STARD9: variants seen among roughly 807,000 people sequenced by gnomAD.
STARD9 encodes the protein stAR-related lipid transfer protein 9.
Under a neutral mutation model 399.8 loss-of-function variants are expected in STARD9, and 346 were observed. The observed-to-expected ratio is 0.87, with a 90% CI of 0.79 to 0.95. The LOEUF is 0.95. STARD9 is among the 40% of genes least tolerant of loss of function. The pLI is 0.00. For synonymous variants in STARD9, 2,203 were observed against 2,143.5 expected (o/e 1.03, Z -0.77); for missense variants, 5,832 against 5,667.5 (o/e 1.03, Z -0.93).
At position 42,689,037 on chromosome 15, in the gene STARD9, GA is replaced by G; in HGVS notation, c.7463del (p.Lys2488ArgfsTer30). The G allele has an allele frequency of 6.5e-7, 1 of 1,537,312 alleles. No homozygotes were observed. Among genetic ancestry groups the G allele is most frequent in the African/African-American group, 1.4e-5 (1 of 73,172 alleles). ...ACTGAACAAGGTCTCTAGCCAGCCT[GA>G]AAAGAGGGTCAGCTTCTCCTTGGAA... is the stretch of plus-strand genomic sequence containing the variant. Reference protein sequence around the residue: ...SSLNKVSSQPEKRVSFSLEED... With the variant: ...SSLNKVSSQPXKRVSFSLEED... On this transcript the variant is annotated frameshift_variant, in exon 23 of 33. Coordinates refer to ENST00000290607, the MANE Select transcript of STARD9 (RefSeq NM_020759.3). LOFTEE classifies it high-confidence loss of function.
intron 26 of STARD9, among the ~76,000 whole-genome samples, chr15:42,712,087 A>ATAT (rs1555410986): frequency 1.1e-3 from 1 of 870 alleles, no homozygotes; most frequent in South Asian, 0.056. Context: ...TATATTATAT[A>ATAT]TATATATATA....
intron 1 of STARD9, among the ~76,000 whole-genome samples, chr15:42,577,659 G>T (rs2058085803): frequency 6.6e-6 from 1 of 152,234 alleles, no homozygotes; most frequent in African/African-American, 2.4e-5. Flanking sequence ...TGAACAGATT[G>T]TAGCAGGCTG....
Position 42,699,392 on chromosome 15 carries a change from C to CTTTTTTTTTTTT in STARD9, c.13284+3521_13284+3532dup, listed in dbSNP as rs34614271. ...TCTATGAGATCAACTTTTTTCTTTTCTTTTTTTTTTTTTTTTTTTTGAGAT... is the reference window on the plus strand; with the variant it reads ...TCTATGAGATCAACTTTTTTCTTTTCTTTTTTTTTTTTTTTTTTTTTTTTTTTTTTTTGAGAT... On this transcript the variant is annotated intron_variant, in intron 26 of 32. Coordinates refer to ENST00000290607, the MANE Select transcript of STARD9 (RefSeq NM_020759.3). Among the ~76,000 whole-genome samples the CTTTTTTTTTTTT allele has an allele frequency of 2.6e-3, 292 of 113,254 alleles. 5 individuals carry two copies. Among genetic ancestry groups the CTTTTTTTTTTTT allele is most frequent in the East Asian group, 0.011 (45 of 3,920 alleles). The allele number at this position is 113,254 out of a possible 152,430, so 74.3% of individuals were successfully genotyped here. A position where few individuals can be genotyped will look rare whatever the true frequency, so the allele number is the denominator to read the frequency against.
Position 42,585,489 on chromosome 15 carries a change from G to A in STARD9, c.118-32G>A, listed in dbSNP as rs1333016841. ...CTGGCCAGATTCTAATATTATGATA[G>A]AAAAGACACTGGATCCTATGTTTGA... is the stretch of plus-strand genomic sequence containing the variant. On this transcript the variant is annotated intron_variant, in intron 2 of 32. Coordinates refer to ENST00000290607, the MANE Select transcript of STARD9 (RefSeq NM_020759.3). 3 of 1,449,838 alleles carry A rather than the reference G, an allele frequency of 2.1e-6. No individual in the cohort carries two copies. The South Asian group carries it at 3.7e-5, about 18-fold the overall frequency. The allele number at this position is 1,449,838 out of a possible 1,614,324, so 89.8% of individuals were successfully genotyped here.
intron 16 of STARD9, chr15:42,672,264 G>T (rs540530574): frequency 6.6e-6 from 1 of 152,240 alleles, no homozygotes; most frequent in East Asian, 1.9e-4. Context: ...TGGGTGGGAA[G>T]AGGACAGAGG....
At chr15:42,651,184 C>G (rs950117676) in intron 8 of STARD9, 99 bp downstream of exon 8, 1 of 837,282 alleles carries the variant, frequency 1.2e-6, no homozygotes. Flanking sequence ...TTAAAATTGT[C>G]TCTGTGTGTA....
At chr15:42,719,367 G>T in intron 32 of STARD9, 106 bp from the exon 33 acceptor site, 1 of 705,402 alleles carries the variant, frequency 1.4e-6, no homozygotes, top group Non-Finnish European at 2.4e-6. Flanking sequence ...ACAATCTGAG[G>T]TGCTTCTCCC....
At chr15:42,614,948 G>C (rs1212949201) in intron 3 of STARD9, among the ~76,000 whole-genome samples, 2 of 151,520 alleles carry the variant, frequency 1.3e-5, no homozygotes, top group Non-Finnish European at 2.9e-5. Context: ...CTAGGTGACA[G>C]AGCGAGACTC....
At chr15:42,694,502 C>T (rs894855759) in intron 23 of STARD9, 26 bp from the exon 24 acceptor site, 2 of 1,535,936 alleles carry the variant, frequency 1.3e-6, no homozygotes, top group South Asian at 2.4e-5. Context: ...TCAGGGCCAG[C>T]TTCAGCGAAT....
At chr15:42,716,499 A>G (rs1413079288) in intron 26 of STARD9, among the ~76,000 whole-genome samples, 178 bp from the exon 27 acceptor site, 1 of 152,120 alleles carries the variant, frequency 6.6e-6, no homozygotes, top group Non-Finnish European at 1.5e-5. Flanking sequence ...GATCGTCTAG[A>G]TACCTATTTC....
chr15:42,636,351 G>A (rs2059417564), intron 4 of STARD9, among the ~76,000 whole-genome samples: 1 of 152,182 alleles, frequency 6.6e-6, no homozygotes, highest in Non-Finnish European at 1.5e-5. Flanking sequence ...GGGAGGCTGA[G>A]GCGGGCAGAT....
rs1319648442 is a variant in STARD9 at position 42,689,373 on chromosome 15, A to G, written c.7795A>G (p.Ile2599Val). Residue 2599 changes from isoleucine (I) to valine (V), a missense_variant, in exon 23 of 33, where the codon ATA becomes GTA. Coordinates refer to ENST00000290607, the MANE Select transcript of STARD9 (RefSeq NM_020759.3). ...RVAGRPQCKQ[I>V]DQSSSDQTRN... ...TGCTGGCAGGCCTCAGTGTAAACAAATAGACCAGTCATCATCAGACCAGAC... is the reference window on the plus strand; with the variant it reads ...TGCTGGCAGGCCTCAGTGTAAACAAGTAGACCAGTCATCATCAGACCAGAC... 1.0e-5 allele frequency: 16 copies of G among 1,537,226 alleles called. No individual in the cohort carries two copies. In the East Asian group the frequency reaches 3.7e-4, roughly 35 times the overall value.
At position 42,652,612 on chromosome 15, in the gene STARD9, T is replaced by A; in HGVS notation, c.702+20T>A. 1.3e-6 allele frequency: 2 copies of A among 1,532,130 alleles called. No individual in the cohort carries two copies. Among genetic ancestry groups the A allele is most frequent in the Non-Finnish European group, 1.8e-6 (2 of 1,142,102 alleles). The allele number at this position is 1,532,130 out of a possible 1,614,324, so 94.9% of individuals were successfully genotyped here. ...ACGCAGGTTGGTAACTCCTTATGTT[T>A]GGTGAGATTTCTTCCTCTCCTTGTA... On this transcript the variant is annotated intron_variant, in intron 9 of 32. Transcript: ENST00000290607.
Position 42,575,664 on chromosome 15 carries a change from C to T in STARD9, c.-52C>T. ...GCTGTGTCTGGGCTTAGGGCGGGGG[C>T]CTGGGATGCTGCCGCTGAGCTGACC... On this transcript the variant is annotated 5_prime_UTR_variant, in exon 1 of 33. Coordinates refer to ENST00000290607, the MANE Select transcript of STARD9 (RefSeq NM_020759.3). 4 of 1,528,850 alleles carry T rather than the reference C, an allele frequency of 2.6e-6. No individual in the cohort carries two copies. The highest frequency in any genetic ancestry group is 1.2e-5 in the South Asian group (1 of 83,824). The allele number at this position is 1,528,850 out of a possible 1,614,324, so 94.7% of individuals were successfully genotyped here.
chr15:42,714,311 C>T (rs1284412663), intron 26 of STARD9, among the ~76,000 whole-genome samples: 2 of 152,076 alleles, frequency 1.3e-5, no homozygotes, highest in Non-Finnish European at 2.9e-5. Context: ...CGTGATCCAC[C>T]CGCCTCGGCC....
At chr15:42,699,392 C>CTTTTTCTTTTTTTTTTTTTTTT (rs2060912049) in intron 26 of STARD9, among the ~76,000 whole-genome samples, 6 of 113,280 alleles carry the variant, frequency 5.3e-5, no homozygotes, top group African/African-American at 2.4e-4. Flanking sequence ...TTTTTCTTTT[C>CTTTTTCTTTTTTTTTTTTTTTT]TTTTTTTTTT....
intron 1 of STARD9, among the ~76,000 whole-genome samples, chr15:42,577,720 T>G (rs931792986): frequency 2.6e-5 from 4 of 152,132 alleles, no homozygotes; most frequent in Non-Finnish European, 4.4e-5. Flanking sequence ...AGCCAAGAGG[T>G]CCGGATCACT....
chr15:42,689,441 A>G lies in STARD9; in HGVS notation c.7863A>G (p.Leu2621=), dbSNP rs372746010. Reference sequence around the variant, plus strand: ...CACCGGGATTTCATGTGGCATCTCTATCTGCTGAAGCAGGGCAGATAGATC... The same window carrying G: ...CACCGGGATTTCATGTGGCATCTCTGTCTGCTGAAGCAGGGCAGATAGATC... ...GEAPGFHVAS[L]SAEAGQIDLL... Residue 2621 remains leucine (L), a synonymous_variant, in exon 23 of 33, where the codon CTA becomes CTG. Coordinates refer to ENST00000290607, the MANE Select transcript of STARD9 (RefSeq NM_020759.3). 1.8e-4 allele frequency: 278 copies of G among 1,537,276 alleles called. No individual in the cohort carries two copies. The East Asian group carries it at 2.9e-3, about 16-fold the overall frequency.
In STARD9 at chr15:42,693,838, C is replaced by G. The variant is rs1244616493; in HGVS notation, c.12260C>G (p.Pro4087Arg). 2.6e-6 allele frequency: 4 copies of G among 1,536,756 alleles called. No homozygotes were observed. Among genetic ancestry groups the G allele is most frequent in the Non-Finnish European group, 3.5e-6 (4 of 1,146,746 alleles). Reference sequence around the variant, plus strand: ...TGGGGAGGCCTCCAGCACCTCAGCCCCTGCCCTGTCTCTGAGTTGACTGAT... The same window carrying G: ...TGGGGAGGCCTCCAGCACCTCAGCCGCTGCCCTGTCTCTGAGTTGACTGAT... ...SSWGGLQHLS[P>R]CPVSELTDTA... Residue 4087 changes from proline (P) to arginine (R), a missense_variant, in exon 23 of 33, where the codon CCC (proline) becomes CGC (arginine). Physicochemically the swap from Pro to Arg is moderately radical, Grantham distance 103. Around this residue, in one of 2 missense-constraint regions of STARD9, gnomAD observed 5,828 missense variants for 5,651.1 expected, o/e 1.03. Transcript: ENST00000290607.
Sources: gnomAD v4.1 joint callset for allele counts (sites outside exome capture counted in the v4.1 genomes callset) on GRCh38, gnomAD v4.1.1 for gene constraint, gnomAD v4.1.1 regional missense constraint, MANE v1.5 for transcripts, NCBI Gene and HGNC (gene_info 2026-07-23, HGNC 2026-07-21) for gene names.